SLC35F4: variants seen among roughly 807,000 people sequenced by gnomAD.
SLC35F4 encodes solute carrier family 35 member F4, also known as chromosome 14 open reading frame 36.
A neutral mutation model predicts 44.2 loss-of-function variants in SLC35F4; 24 were observed. The ratio of observed to expected loss-of-function variants is 0.54; its 90% CI spans 0.39 to 0.76. The LOEUF is 0.76. Among genes scored for constraint, SLC35F4 ranks in the 30% least tolerant of loss-of-function variants. SLC35F4 has a pLI of 0.00. For synonymous variants in SLC35F4, 238 were observed against 223.6 expected, an observed-to-expected ratio of 1.06 and a Z score of -0.57; for missense variants, 562 against 586.1, an observed-to-expected ratio of 0.96 and a Z score of 0.42.
intron 1 of SLC35F4, among the ~76,000 whole-genome samples, chr14:57,771,098 G>A (rs1387323598): frequency 3.3e-5 from 5 of 152,200 alleles, no homozygotes; most frequent in African/African-American, 1.2e-4. Context: ...TAGCATAGAT[G>A]AATTCTTTTG....
intron 1 of SLC35F4, among the ~76,000 whole-genome samples, chr14:57,595,045 A>C (rs2070411681): frequency 6.6e-6 from 1 of 152,124 alleles, no homozygotes; most frequent in African/African-American, 2.4e-5. Flanking sequence ...ACCAAATTCC[A>C]AACTTTATTT....
intron 1 of SLC35F4, among the ~76,000 whole-genome samples, chr14:57,820,365 C>T (rs1883039060): frequency 6.6e-6 from 1 of 152,226 alleles, no homozygotes; most frequent in South Asian, 2.1e-4. Flanking sequence ...AGGGCAGCAA[C>T]TGAAGGCAAA....
At chr14:57,734,444 T>A (rs2076417708) in intron 1 of SLC35F4, among the ~76,000 whole-genome samples, 1 of 152,310 alleles carries the variant, frequency 6.6e-6, no homozygotes, top group South Asian at 2.1e-4. Flanking sequence ...TTTTACTAAA[T>A]AAAGTCACAT....
chr14:57,815,638 G>T lies in SLC35F4; in HGVS notation c.103+50085C>A, dbSNP rs879602947. Among the ~76,000 whole-genome samples, 6 of 152,166 alleles carry T rather than the reference G, an allele frequency of 3.9e-5. No homozygotes were observed. The East Asian group carries it at 1.2e-3, about 29-fold the overall frequency. On this transcript the variant is annotated intron_variant, in intron 1 of 7. Coordinates refer to ENST00000556826, the MANE Select transcript of SLC35F4 (RefSeq NM_001306087.2). The stretch of plus-strand genomic sequence containing the variant: ...CTTGCCTAGCTATGACCTAGCTTCT[G>T]GCAAGGCAGAATTTACTTAAGGATG...
In SLC35F4 at chr14:57,593,990, G is replaced by A; in HGVS notation, c.238C>T (p.Gln80Ter). ...SSAPILELQN[Q>*]GSSGVCGHRV... ...TGTCCACAAACTCCTGAGGATCCTT[G>A]GTTTTGAAGTTCAAGAATAGGAGCA... is the stretch of plus-strand genomic sequence containing the variant. Residue 80 changes from glutamine (Q) to a stop codon, truncating the protein, a stop_gained, in exon 2 of 8, where the codon CAA becomes TAA. Coordinates refer to ENST00000556826, the MANE Select transcript of SLC35F4 (RefSeq NM_001306087.2). LOFTEE classifies it high-confidence loss of function. 7 of 1,613,862 alleles carry A rather than the reference G, an allele frequency of 4.3e-6. No individual in the cohort carries two copies. Among genetic ancestry groups the A allele is most frequent in the Non-Finnish European group, 5.9e-6 (7 of 1,179,846 alleles).
intron 1 of SLC35F4, among the ~76,000 whole-genome samples, chr14:57,804,148 T>G (rs1246181976): frequency 6.6e-6 from 1 of 152,210 alleles, no homozygotes; most frequent in African/African-American, 2.4e-5. Context: ...AAACATTTCA[T>G]GCTTGTGGAT....
At chr14:57,763,889 C>T (rs2077179946) in intron 1 of SLC35F4, among the ~76,000 whole-genome samples, 1 of 152,132 alleles carries the variant, frequency 6.6e-6, no homozygotes, top group Admixed American at 6.6e-5. Context: ...CCCATTAAAC[C>T]TCAGCAGACT....
intron 1 of SLC35F4, among the ~76,000 whole-genome samples, chr14:57,898,328 C>T (rs1888927757): frequency 6.6e-6 from 1 of 152,238 alleles, no homozygotes; most frequent in South Asian, 2.1e-4. Flanking sequence ...TTGAAAGCTG[C>T]AGGTTAAAAC....
chr14:57,577,763 A>G lies in SLC35F4; in HGVS notation c.807+3451T>C, dbSNP rs562065287. Among the ~76,000 whole-genome samples the G allele has an allele frequency of 6.6e-5, 10 of 152,254 alleles. No individual in the cohort carries two copies. The South Asian group carries it at 1.9e-3, about 28-fold the overall frequency. On this transcript the variant is annotated intron_variant, in intron 4 of 7. Coordinates refer to ENST00000556826, the MANE Select transcript of SLC35F4 (RefSeq NM_001306087.2). Reference sequence around the variant, plus strand: ...AGGTCTGAGAGACAGGAGAACACCTATTTTCAAGGCTGCAAGAGCTGGATT... The same window carrying G: ...AGGTCTGAGAGACAGGAGAACACCTGTTTTCAAGGCTGCAAGAGCTGGATT...
At chr14:57,866,299 G>T (rs1299941734), upstream of SLC35F4, among the ~76,000 whole-genome samples, 1 of 152,154 alleles carries the variant, frequency 6.6e-6, no homozygotes, top group Non-Finnish European at 1.5e-5. Flanking sequence ...GTTGGGAGTG[G>T]GAGAAACCCA....
At chr14:57,708,135 G>A (rs1413966266) in intron 1 of SLC35F4, among the ~76,000 whole-genome samples, 1 of 152,152 alleles carries the variant, frequency 6.6e-6, no homozygotes, top group Non-Finnish European at 1.5e-5. Flanking sequence ...CCTAAGATCA[G>A]TGCTTGAGAT....
chr14:57,711,303 C>T (rs1290876904), intron 1 of SLC35F4, among the ~76,000 whole-genome samples: 1 of 152,100 alleles, frequency 6.6e-6, no homozygotes, highest in Non-Finnish European at 1.5e-5. Flanking sequence ...CTGAGGCCTT[C>T]CCAGCCAGGC....
intron 1 of SLC35F4, among the ~76,000 whole-genome samples, chr14:57,697,849 A>G (rs1188857202): frequency 6.6e-6 from 1 of 152,218 alleles, no homozygotes; most frequent in Admixed American, 6.5e-5. Context: ...ATACATATAG[A>G]CATACACAAT....
intron 2 of SLC35F4, among the ~76,000 whole-genome samples, chr14:57,589,758 A>AT (rs2070037411): frequency 6.6e-6 from 1 of 152,180 alleles, no homozygotes; most frequent in African/African-American, 2.4e-5. Flanking sequence ...GCTCATGCGG[A>AT]TGTTATGCTG....
chr14:57,936,736 T>C (rs1244244731), intron 1 of SLC35F4, among the ~76,000 whole-genome samples: 3 of 152,246 alleles, frequency 2.0e-5, no homozygotes, highest in African/African-American at 4.8e-5. Context: ...GGAAGTCTTC[T>C]GGACTTGTGC....
chr14:57,689,585 T>A (rs1159448626), intron 1 of SLC35F4, among the ~76,000 whole-genome samples: 1 of 152,084 alleles, frequency 6.6e-6, no homozygotes, highest in African/African-American at 2.4e-5. Context: ...ATATCATTCC[T>A]TTGCTTAAGA....
chr14:57,886,937 T>G (rs1057470391), intron 1 of SLC35F4, among the ~76,000 whole-genome samples: 1 of 152,184 alleles, frequency 6.6e-6, no homozygotes. Context: ...ATCCCATGTG[T>G]TTAAGACACC....
At chr14:57,962,240 G>C (rs1362901122) in intron 1 of SLC35F4, among the ~76,000 whole-genome samples, 3 of 152,114 alleles carry the variant, frequency 2.0e-5, no homozygotes, top group African/African-American at 7.2e-5. Context: ...GAGAAGAAAA[G>C]TACTGAATGG....
At chr14:57,886,530 A>C (rs1390552874) in intron 1 of SLC35F4, among the ~76,000 whole-genome samples, 1 of 152,242 alleles carries the variant, frequency 6.6e-6, no homozygotes, top group East Asian at 1.9e-4. Flanking sequence ...CTATTCTTCT[A>C]AATAGCAGGA....
Sources: gnomAD v4.1 joint callset for allele counts (sites outside exome capture counted in the v4.1 genomes callset) on GRCh38, gnomAD v4.1.1 for gene constraint, MANE v1.5 for transcripts, NCBI Gene and HGNC (gene_info 2026-07-23, HGNC 2026-07-21) for gene names.